The following RBFOX1 variants were observed in gnomAD, a reference collection of about 807,000 sequenced individuals.
RBFOX1 encodes the protein RNA binding protein fox-1 homolog 1.
In RBFOX1, 8 loss-of-function variants were observed where a neutral mutation model predicts 57.7. That is an observed-to-expected ratio of 0.14 (90% CI 0.08 to 0.25). RBFOX1 has a LOEUF of 0.25. Among genes scored for constraint, RBFOX1 ranks in the 10% least tolerant of loss-of-function variants. RBFOX1 has a pLI of 1.00. For synonymous variants in RBFOX1, 326 were observed against 222.4 expected (o/e 1.47, Z -4.15); for missense variants, 611 against 548.5 (o/e 1.11, Z -1.14).
chr16:7,257,797 G>C (rs144580568), intron 4 of RBFOX1, among the ~76,000 whole-genome samples: 1 of 152,330 alleles, frequency 6.6e-6, no homozygotes, highest in Non-Finnish European at 1.5e-5. Flanking sequence ...GGCTGCAAGA[G>C]CTATCATCGT....
intron 3 of RBFOX1, among the ~76,000 whole-genome samples, chr16:5,705,065 G>A (rs2051192381): frequency 6.6e-6 from 1 of 152,084 alleles, no homozygotes; most frequent in South Asian, 2.1e-4. Flanking sequence ...AATCAAATAT[G>A]TAACCACACA....
At chr16:5,504,500 G>A (rs1369299288) in intron 2 of RBFOX1, among the ~76,000 whole-genome samples, 1 of 152,206 alleles carries the variant, frequency 6.6e-6, no homozygotes. Context: ...ACACACGCAC[G>A]ATCATAAAAA....
chr16:6,762,773 G>T (rs1488864411), intron 3 of RBFOX1, among the ~76,000 whole-genome samples: 2 of 152,170 alleles, frequency 1.3e-5, no homozygotes, highest in Non-Finnish European at 2.9e-5. Flanking sequence ...GGGATAGGGG[G>T]TAGTCAGGAA....
At chr16:7,273,817 C>T (rs1603469379) in intron 4 of RBFOX1, among the ~76,000 whole-genome samples, 1 of 152,186 alleles carries the variant, frequency 6.6e-6, no homozygotes, top group Non-Finnish European at 1.5e-5. Flanking sequence ...TTTTCCAGGG[C>T]TGGATTGGTT....
intron 4 of RBFOX1, among the ~76,000 whole-genome samples, chr16:7,198,486 C>T (rs2087388485): frequency 6.6e-6 from 1 of 152,144 alleles, no homozygotes; most frequent in African/African-American, 2.4e-5. Context: ...AACAGGAAGA[C>T]AGAGTGTTTT....
chr16:5,578,839 A>AC (rs1374981570), intron 2 of RBFOX1, among the ~76,000 whole-genome samples: 42 of 125,182 alleles, frequency 3.4e-4, no homozygotes, highest in African/African-American at 1.1e-3. Flanking sequence ...ACACACACAC[A>AC]CACCCTTTTT....
chr16:5,820,782 C>T (rs144687749), intron 3 of RBFOX1, among the ~76,000 whole-genome samples: 3 of 152,262 alleles, frequency 2.0e-5, no homozygotes, highest in Non-Finnish European at 2.9e-5. Flanking sequence ...GGGTTTAAGA[C>T]GATCAGACAG....
chr16:7,284,926 A>T (rs1407729823), intron 4 of RBFOX1, among the ~76,000 whole-genome samples: 1 of 151,876 alleles, frequency 6.6e-6, no homozygotes, highest in Non-Finnish European at 1.5e-5. Context: ...CTTGCCACAC[A>T]CTGTTTCCTT....
intron 14 of RBFOX1, among the ~76,000 whole-genome samples, chr16:7,680,622 T>G (rs767000384): frequency 1.3e-5 from 2 of 152,148 alleles, no homozygotes; most frequent in Admixed American, 6.6e-5. Context: ...AAGAAGCTTT[T>G]GACATTAATT....
chr16:6,487,690 AAAAAAAAAAAAT>A (rs2095524476), intron 2 of RBFOX1, among the ~76,000 whole-genome samples: 1 of 11,158 alleles, frequency 9.0e-5, no homozygotes, highest in Non-Finnish European at 2.3e-4. Flanking sequence ...AAAAAAAAAA[AAAAAAAAAAAAT>A]ATATATATAT....
At chr16:6,498,896 C>T (rs994799384) in intron 2 of RBFOX1, among the ~76,000 whole-genome samples, 1 of 152,188 alleles carries the variant, frequency 6.6e-6, no homozygotes, top group Non-Finnish European at 1.5e-5. Context: ...AATACTGACA[C>T]CACCTTCTAT....
At chr16:6,689,927 A>G (rs2059969586) in intron 3 of RBFOX1, among the ~76,000 whole-genome samples, 1 of 152,210 alleles carries the variant, frequency 6.6e-6, no homozygotes, top group Non-Finnish European at 1.5e-5. Context: ...ATTGAGAATC[A>G]GCAACGAAGA....
At chr16:5,314,982 A>G (rs2064195467) in intron 1 of RBFOX1, among the ~76,000 whole-genome samples, 1 of 152,196 alleles carries the variant, frequency 6.6e-6, no homozygotes, top group Non-Finnish European at 1.5e-5. Context: ...GGACCACAGA[A>G]GTCATAACGT....
intron 3 of RBFOX1, among the ~76,000 whole-genome samples, chr16:6,683,936 G>A (rs1306359285): frequency 2.0e-5 from 3 of 152,184 alleles, no homozygotes; most frequent in Non-Finnish European, 2.9e-5. Context: ...CATGTGTCAC[G>A]CAGTGGGTGC....
intron 3 of RBFOX1, among the ~76,000 whole-genome samples, chr16:6,934,331 A>G (rs760564498): frequency 3.3e-5 from 5 of 152,158 alleles, no homozygotes; most frequent in African/African-American, 9.7e-5. Context: ...TCTTTTATCA[A>G]TACAGAATAC....
intron 14 of RBFOX1, among the ~76,000 whole-genome samples, chr16:7,684,097 A>G (rs972035386): frequency 6.6e-6 from 1 of 152,116 alleles, no homozygotes; most frequent in Non-Finnish European, 1.5e-5. Flanking sequence ...CTGACTCTGT[A>G]CTTACCACAA....
At chr16:7,633,916 G>T (rs1424284982) in intron 11 of RBFOX1, among the ~76,000 whole-genome samples, 4 of 152,120 alleles carry the variant, frequency 2.6e-5, no homozygotes, top group Non-Finnish European at 5.9e-5. Context: ...CAGATTAGGT[G>T]CATATTCTAC....
intron 1 of RBFOX1, among the ~76,000 whole-genome samples, chr16:6,074,472 C>G (rs370545012): frequency 2.0e-5 from 3 of 152,164 alleles, no homozygotes; most frequent in East Asian, 1.9e-4. Context: ...CTACCACATG[C>G]ATTAATTTCT....
intron 4 of RBFOX1, among the ~76,000 whole-genome samples, chr16:7,149,844 C>T (rs770344204): frequency 3.9e-5 from 6 of 152,170 alleles, no homozygotes; most frequent in Non-Finnish European, 7.3e-5. Context: ...GGCTCCCAGT[C>T]GGAGCACCTC....
Sources: gnomAD v4.1 joint callset for allele counts (sites outside exome capture counted in the v4.1 genomes callset) on GRCh38, gnomAD v4.1.1 for gene constraint, MANE v1.5 for transcripts, NCBI Gene and HGNC (gene_info 2026-07-23, HGNC 2026-07-21) for gene names.